The following PITPNC1 variants were observed in gnomAD, a reference collection of about 807,000 sequenced individuals.
PITPNC1 encodes phosphatidylinositol transfer protein cytoplasmic 1, also known as cytoplasmic phosphatidylinositol transfer protein 1.
In PITPNC1, 18 loss-of-function variants were observed where a neutral mutation model predicts 44.7. That is an observed-to-expected ratio of 0.40 (90% CI 0.28 to 0.60). PITPNC1 has a LOEUF of 0.60. Ranked by LOEUF, PITPNC1 falls within the 20% of genes least tolerant of loss-of-function variation. PITPNC1 has a pLI of 0.39. For missense variants in PITPNC1, 290 were observed against 418.4 expected (o/e 0.69, Z 2.68); for synonymous variants, 141 against 149.6 (o/e 0.94, Z 0.42).
chr17:67,530,293 G>T (rs1008042681), intron 1 of PITPNC1, among the ~76,000 whole-genome samples: 1 of 151,658 alleles, frequency 6.6e-6, no homozygotes, highest in Non-Finnish European at 1.5e-5. Context: ...GGGATTCACC[G>T]TGATCGCCAG....
intron 4 of PITPNC1, among the ~76,000 whole-genome samples, chr17:67,564,402 G>A (rs529426075): frequency 1.3e-5 from 2 of 152,276 alleles, no homozygotes; most frequent in East Asian, 3.9e-4. Flanking sequence ...TCCAAGGACA[G>A]GAGGGGAGGA....
At chr17:67,396,697 C>G (rs1026834696) in intron 1 of PITPNC1, among the ~76,000 whole-genome samples, 1 of 150,330 alleles carries the variant, frequency 6.7e-6, no homozygotes, top group Non-Finnish European at 1.5e-5. Flanking sequence ...GATGGGGTCT[C>G]TCTGTTGCCC....
In PITPNC1 at chr17:67,553,626, C is replaced by A; in HGVS notation, c.294+9C>A. ...TGGAAACAGAATACACAGTAAGTTC[C>A]ATTTAATTATTTTTAAACATTCTGT... is the stretch of plus-strand genomic sequence containing the variant. On this transcript the variant is annotated intron_variant, in intron 4 of 8. Transcript: ENST00000581322. 8.3e-7 allele frequency: 1 copy of A among 1,197,772 alleles called. No individual in the cohort carries two copies. Among genetic ancestry groups the A allele is most frequent in the South Asian group, 1.6e-5 (1 of 61,820 alleles). 74.2% of individuals were successfully genotyped at this position (1,197,772 alleles called of 1,614,324 possible).
At chr17:67,608,244 A>AAC (rs2144287068) in intron 5 of PITPNC1, among the ~76,000 whole-genome samples, 2 of 145,896 alleles carry the variant, frequency 1.4e-5, no homozygotes, top group African/African-American at 5.4e-5. Flanking sequence ...TAAAAAAAAA[A>AAC]AACAAAAAAA....
chr17:67,554,253 A>ATTTTT (rs11413972), intron 4 of PITPNC1, among the ~76,000 whole-genome samples: 7 of 111,126 alleles, frequency 6.3e-5, no homozygotes, highest in Admixed American at 1.1e-4. Flanking sequence ...ATAGTTTATG[A>ATTTTT]TTTTTTTTTT....
intron 5 of PITPNC1, among the ~76,000 whole-genome samples, chr17:67,594,020 T>G (rs1359306378): frequency 1.3e-5 from 2 of 152,204 alleles, no homozygotes; most frequent in Admixed American, 1.3e-4. Flanking sequence ...GACAGCAATC[T>G]TGGGTCGTGG....
Position 67,419,280 on chromosome 17 carries a change from C to T in PITPNC1, c.48+41078C>T, listed in dbSNP as rs2038632135. Among the ~76,000 whole-genome samples the T allele has an allele frequency of 2.0e-5, 3 of 152,188 alleles. No individual in the cohort carries two copies. In the South Asian group the frequency reaches 6.2e-4, roughly 32 times the overall value. ...ATGTGGTGGAGAAATGGAAGCTCTC[C>T]CAATGGTTCCATCAGTTCCACCACA... On this transcript the variant is annotated intron_variant, in intron 1 of 8. Coordinates refer to ENST00000581322, the MANE Select transcript of PITPNC1 (RefSeq NM_012417.4).
At chr17:67,391,409 A>G (rs1167143653) in intron 1 of PITPNC1, among the ~76,000 whole-genome samples, 1 of 152,092 alleles carries the variant, frequency 6.6e-6, no homozygotes. Flanking sequence ...TTGCTGTATT[A>G]AGGCCAAATC....
intron 1 of PITPNC1, among the ~76,000 whole-genome samples, chr17:67,491,179 T>C (rs1225219620): frequency 3.3e-5 from 5 of 152,256 alleles, no homozygotes; most frequent in East Asian, 1.9e-4. Flanking sequence ...AGCCCCATAG[T>C]GTGTGGCCAT....
At chr17:67,659,902 C>T (rs2042319018) in intron 6 of PITPNC1, among the ~76,000 whole-genome samples, 1 of 151,984 alleles carries the variant, frequency 6.6e-6, no homozygotes, top group Non-Finnish European at 1.5e-5. Context: ...TTTTTAGAGA[C>T]AGAGTCTTGC....
chr17:67,514,547 G>A (rs1446904376), intron 1 of PITPNC1, among the ~76,000 whole-genome samples: 3 of 151,544 alleles, frequency 2.0e-5, no homozygotes, highest in Non-Finnish European at 4.4e-5. Context: ...AAGGGAAGCC[G>A]GGTGCGGTGG....
intron 1 of PITPNC1, among the ~76,000 whole-genome samples, chr17:67,393,929 T>C (rs989534630): frequency 6.6e-6 from 1 of 152,080 alleles, no homozygotes; most frequent in Non-Finnish European, 1.5e-5. Flanking sequence ...GTTAACCGTG[T>C]AACATTTTCT....
intron 1 of PITPNC1, among the ~76,000 whole-genome samples, chr17:67,385,155 C>T (rs1275343176): frequency 1.3e-5 from 2 of 152,104 alleles, no homozygotes; most frequent in Non-Finnish European, 2.9e-5. Context: ...ACTTTTCTGT[C>T]TTACAAGAGG....
chr17:67,663,013 T>G (rs1001275693), intron 6 of PITPNC1, among the ~76,000 whole-genome samples: 1 of 152,184 alleles, frequency 6.6e-6, no homozygotes, highest in Non-Finnish European at 1.5e-5. Flanking sequence ...CATGTCTTTT[T>G]GGTAGAATGA....
At chr17:67,434,639 C>T (rs188329958) in intron 1 of PITPNC1, among the ~76,000 whole-genome samples, 2 of 151,792 alleles carry the variant, frequency 1.3e-5, no homozygotes, top group South Asian at 4.2e-4. Context: ...GGCAAAACCC[C>T]GTCTGTACTA....
chr17:67,688,737 A>G (rs2642051), intron 8 of PITPNC1, among the ~76,000 whole-genome samples: 25,607 of 152,104 alleles, frequency 0.17, 5,156 homozygotes, highest in African/African-American at 0.48. Flanking sequence ...GTTCCCCCTC[A>G]GCCACTCTGA....
At chr17:67,612,184 G>C (rs556107276) in intron 5 of PITPNC1, 1 of 152,440 alleles carries the variant, frequency 6.6e-6, no homozygotes, top group East Asian at 1.9e-4. Context: ...AGGGTGGGGA[G>C]AGCCTTCAGG....
At chr17:67,456,623 C>T (rs986356319) in intron 1 of PITPNC1, among the ~76,000 whole-genome samples, 8 of 152,042 alleles carry the variant, frequency 5.3e-5, no homozygotes, top group African/African-American at 1.9e-4. Flanking sequence ...CCTATCACCT[C>T]CCCCACCCAG....
intron 1 of PITPNC1, among the ~76,000 whole-genome samples, chr17:67,388,944 C>G (rs1378068290): frequency 6.6e-6 from 1 of 152,218 alleles, no homozygotes; most frequent in Non-Finnish European, 1.5e-5. Context: ...TGATCACAAA[C>G]TCAGTGGCTT....
Sources: gnomAD v4.1 joint callset for allele counts (sites outside exome capture counted in the v4.1 genomes callset) on GRCh38, gnomAD v4.1.1 for gene constraint, MANE v1.5 for transcripts, NCBI Gene and HGNC (gene_info 2026-07-23, HGNC 2026-07-21) for gene names.